The following SOX18 variants were observed in gnomAD, a reference collection of about 807,000 sequenced individuals.
SOX18 encodes the protein SRY-box transcription factor 18, also known as transcription factor SOX-18.
Under a neutral mutation model 9.1 loss-of-function variants are expected in SOX18, and 2 were observed. That is an observed-to-expected ratio of 0.22 (90% CI 0.09 to 0.69). The LOEUF (loss-of-function observed/expected upper bound fraction) is 0.69. Among genes scored for constraint, SOX18 ranks in the 30% least tolerant of loss-of-function variants. SOX18 has a pLI of 0.80. For missense variants in SOX18, 542 were observed against 567.3 expected, an observed-to-expected ratio of 0.96 and a Z score of 0.45; for synonymous variants, 292 against 280.5, an observed-to-expected ratio of 1.04 and a Z score of -0.41.
chr20:64,048,814 C>G lies in SOX18; in HGVS notation c.507G>C (p.Glu169Asp), dbSNP rs936790150. 1.3e-6 allele frequency: 2 copies of G among 1,555,688 alleles called. No homozygotes were observed. Among genetic ancestry groups the G allele is most frequent in the African/African-American group, 2.8e-5 (2 of 71,388 alleles). Reference sequence around the variant, plus strand: ...CTAATCCCGGGAGCAGGAGGCCGGGCTCCAGCCGCCGGGCCTTGCGCGCCT... The same window carrying G: ...CTAATCCCGGGAGCAGGAGGCCGGGGTCCAGCCGCCGGGCCTTGCGCGCCT... ...KKQARKARRLEPGLLLPGLAP... is the reference protein window; with the variant it reads ...KKQARKARRLDPGLLLPGLAP... The change falls in exon 2 of 2, where the codon GAG (glutamate) becomes GAC (aspartate). Residue 169 changes from glutamate to aspartate, a missense_variant. Coordinates refer to ENST00000340356, the MANE Select transcript of SOX18 (RefSeq NM_018419.3).
Position 64,048,106 on chromosome 20 carries a change from CG to C in SOX18, c.*59del. 2.1e-6 allele frequency: 3 copies of C among 1,460,764 alleles called. No individual in the cohort carries two copies. In the Admixed American group the frequency reaches 5.9e-5, roughly 29 times the overall value. 90.5% of individuals were successfully genotyped at this position (1,460,764 alleles called of 1,614,324 possible). On this transcript the variant is annotated 3_prime_UTR_variant, in exon 2 of 2. Transcript: ENST00000340356. Reference sequence around the variant, plus strand: ...GAGAGCAGAGCGGCAGCGACGCGGTCGGATCGGTCGCGGGGGCTGCGGGAGG... The same window carrying C: ...GAGAGCAGAGCGGCAGCGACGCGGTCGATCGGTCGCGGGGGCTGCGGGAGG...
chr20:64,048,913 C>T lies in SOX18; in HGVS notation c.408G>A (p.Glu136=), dbSNP rs772842053. 18 of 1,596,956 alleles carry T rather than the reference C, an allele frequency of 1.1e-5. No homozygotes were observed. Among genetic ancestry groups the T allele is most frequent in the Admixed American group, 3.4e-5 (2 of 59,546 alleles). ...GCTGCACGCGCAGCCGTTCGGCTTC[C>T]TCCACGAAGGGCCGCTTCTCCGCCG... The part of the protein sequence containing the change: ...LNAAEKRPFV[E]EAERLRVQHL... The change falls in exon 2 of 2, where the codon GAG becomes GAA. Residue 136 remains glutamate (E), a synonymous_variant. Transcript: ENST00000340356.
intron 1 of SOX18, 53 bp downstream of exon 1, chr20:64,049,106 G>C (rs1315054117): frequency 0.018 from 6,479 of 353,144 alleles, 38 homozygotes; most frequent in Non-Finnish European, 0.022. Flanking sequence ...CCCCACCCCG[G>C]CCCGAGCCCC....
In SOX18 at chr20:64,048,310, C is replaced by A. The variant is rs765273686; in HGVS notation, c.1011G>T (p.Arg337=). Residue 337 remains arginine, a synonymous_variant, in exon 2 of 2, where the codon CGG becomes CGT. Coordinates refer to ENST00000340356, the MANE Select transcript of SOX18 (RefSeq NM_018419.3). ...FDQYLNCSRT[R]PDAPGLPYHV... is the part of the protein sequence containing the mutation. ...GGTACGGGAGCCCGGGGGCGTCGGG[C>A]CGAGTCCGGCTGCAGTTGAGGTACT... The A allele has an allele frequency of 1.9e-6, 3 of 1,591,810 alleles. No homozygotes were observed. The highest frequency in any genetic ancestry group is 2.3e-5 in the East Asian group (1 of 43,616).
chr20:64,049,404 C>T lies in SOX18; in HGVS notation c.113G>A (p.Gly38Asp). The change falls in exon 1 of 2, where the codon GGC becomes GAC. Residue 38 changes from glycine to aspartate, a missense_variant. By Grantham distance (94) the Gly-to-Asp change is moderately conservative. Transcript: ENST00000340356. ...AAADTRGLAA[G>D]PAALAAPAAP... is the part of the protein sequence containing the mutation. ...GGCGGGCGCGGCGAGGGCGGCGGGGCCGGCGGCGAGGCCGCGCGTGTCAGC... is the reference window on the plus strand; with the variant it reads ...GGCGGGCGCGGCGAGGGCGGCGGGGTCGGCGGCGAGGCCGCGCGTGTCAGC... 3 of 984,732 alleles carry T rather than the reference C, an allele frequency of 3.0e-6. No individual in the cohort carries two copies. The highest frequency in any genetic ancestry group is 3.6e-6 in the Non-Finnish European group (3 of 831,636). The allele number at this position is 984,732 out of a possible 1,614,324, so 61.0% of individuals were successfully genotyped here. A position where few individuals can be genotyped will look rare whatever the true frequency, so the allele number is the denominator to read the frequency against.
intron 1 of SOX18, 73 bp downstream of exon 1, chr20:64,049,084 CTG>C: frequency 1.9e-6 from 2 of 1,037,308 alleles, no homozygotes; most frequent in Non-Finnish European, 2.4e-6. Context: ...CCCGGGACCC[CTG>C]CCCCCCCCGC....
rs1354720506 is a variant in SOX18, at chr20:64,049,416, C to T, written c.101G>A (p.Gly34Asp). 5.1e-5 allele frequency: 50 copies of T among 988,860 alleles called. No homozygotes were observed. The highest frequency in any genetic ancestry group is 5.8e-5 in the Non-Finnish European group (48 of 834,584). 61.3% of individuals were successfully genotyped at this position (988,860 alleles called of 1,614,324 possible). Residue 34 changes from glycine (G) to aspartate (D), a missense_variant, in exon 1 of 2, where the codon GGC (glycine) becomes GAC (aspartate). Physicochemically the swap from Gly to Asp is moderately conservative, Grantham distance 94. Transcript: ENST00000340356. ...PGHGAAADTRGLAAGPAALAA... is the reference protein window; with the variant it reads ...PGHGAAADTRDLAAGPAALAA... ...GAGGGCGGCGGGGCCGGCGGCGAGG[C>T]CGCGCGTGTCAGCGGCGGCCCCGTG... is the stretch of plus-strand genomic sequence containing the variant.
At position 64,049,618 on chromosome 20, in the gene SOX18, G is replaced by T. The variant is rs1254024212; in HGVS notation, c.-102C>A. The T allele has an allele frequency of 9.6e-6, 7 of 731,128 alleles. No homozygotes were observed. Among genetic ancestry groups the T allele is most frequent in the Non-Finnish European group, 1.0e-5 (6 of 595,506 alleles). 45.3% of individuals were successfully genotyped at this position (731,128 alleles called of 1,614,324 possible). On this transcript the variant is annotated 5_prime_UTR_variant, in exon 1 of 2. Transcript: ENST00000340356. Reference sequence around the variant, plus strand: ...CAAGGGCAGGCCAGGCCGGGAGGGCGGATGGCGGTGGGGACGGCGGTGGCC... The same window carrying T: ...CAAGGGCAGGCCAGGCCGGGAGGGCTGATGGCGGTGGGGACGGCGGTGGCC...
Position 64,049,215 on chromosome 20 carries a change from T to C in SOX18, c.302A>G (p.Lys101Arg), listed in dbSNP as rs2059418686. Reference protein sequence around the residue: ...AFMVWAKDERKRLAQQNPDLH... With the variant: ...AFMVWAKDERRRLAQQNPDLH... ...GTCCGGGTTCTGCTGAGCCAGCCGCTTGCGCTCGTCCTTTGCCCACACCAT... is the reference window on the plus strand; with the variant it reads ...GTCCGGGTTCTGCTGAGCCAGCCGCCTGCGCTCGTCCTTTGCCCACACCAT... The change falls in exon 1 of 2, where the codon AAG becomes AGG. Residue 101 changes from lysine to arginine, a missense_variant. Transcript: ENST00000340356. 3.3e-6 allele frequency: 5 copies of C among 1,524,212 alleles called. No individual in the cohort carries two copies. Among genetic ancestry groups the C allele is most frequent in the Non-Finnish European group, 4.4e-6 (5 of 1,129,804 alleles). 94.4% of individuals were successfully genotyped at this position (1,524,212 alleles called of 1,614,324 possible). A position where few individuals can be genotyped will look rare whatever the true frequency, so the allele number is the denominator to read the frequency against.
Position 64,048,613 on chromosome 20 carries a change from C to A in SOX18, c.708G>T (p.Ala236=). The change falls in exon 2 of 2, where the codon GCG becomes GCT. Residue 236 remains alanine (A), a synonymous_variant. Coordinates refer to ENST00000340356, the MANE Select transcript of SOX18 (RefSeq NM_018419.3). ...AGGGCCGCAGCGCGCAGTCCTCGGG[C>A]GCCGCGGGCGGTGGGAAGAAGGCAG... is the stretch of plus-strand genomic sequence containing the variant. ...GEAAFFPPPA[A]PEDCALRPFR... 8.0e-7 allele frequency: 1 copy of A among 1,252,386 alleles called. No homozygotes were observed. Among genetic ancestry groups the A allele is most frequent in the Non-Finnish European group, 1.0e-6 (1 of 1,001,620 alleles). 77.6% of individuals were successfully genotyped at this position (1,252,386 alleles called of 1,614,324 possible). A position where few individuals can be genotyped will look rare whatever the true frequency, so the allele number is the denominator to read the frequency against.
Position 64,049,415 on chromosome 20 carries a change from G to T in SOX18, c.102C>A (p.Gly34=). ...CGAGGGCGGCGGGGCCGGCGGCGAG[G>T]CCGCGCGTGTCAGCGGCGGCCCCGT... ...PGHGAAADTR[G]LAAGPAALAA... is the part of the protein sequence containing the mutation. Residue 34 remains glycine, a synonymous_variant, in exon 1 of 2, where the codon GGC becomes GGA. Transcript: ENST00000340356. 8.1e-6 allele frequency: 8 copies of T among 988,582 alleles called. No homozygotes were observed. Among genetic ancestry groups the T allele is most frequent in the Non-Finnish European group, 9.6e-6 (8 of 834,170 alleles). 61.2% of individuals were successfully genotyped at this position (988,582 alleles called of 1,614,324 possible). A position where few individuals can be genotyped will look rare whatever the true frequency, so the allele number is the denominator to read the frequency against.
chr20:64,048,703 C>G lies in SOX18; in HGVS notation c.618G>C (p.Glu206Asp), dbSNP rs2059410614. ...GCGTGGGCAGCCCCAGGCCGTCGAA[C>G]TCGGCGCCCAGCGGGGGCAGCTCGC... is the stretch of plus-strand genomic sequence containing the variant. ...AFRELPPLGAEFDGLGLPTPE... is the reference protein window; with the variant it reads ...AFRELPPLGADFDGLGLPTPE... Residue 206 changes from glutamate (E) to aspartate (D), a missense_variant, in exon 2 of 2, where the codon GAG (glutamate) becomes GAC (aspartate). Transcript: ENST00000340356. 7 of 1,360,862 alleles carry G rather than the reference C, an allele frequency of 5.1e-6. No homozygotes were observed. The highest frequency in any genetic ancestry group is 6.6e-6 in the Non-Finnish European group (7 of 1,065,766). The allele number at this position is 1,360,862 out of a possible 1,614,324, so 84.3% of individuals were successfully genotyped here.
chr20:64,048,967 G>A lies in SOX18; in HGVS notation c.359-5C>T. ...TCAGCTCCTTCCACGCTTTGCCTGC[G>A]GGCCGTGGGCGCCAGTGAGTGGAAC... On this transcript the variant is annotated splice_region_variant and splice_polypyrimidine_tract_variant and intron_variant, in intron 1 of 1. Coordinates refer to ENST00000340356, the MANE Select transcript of SOX18 (RefSeq NM_018419.3). 1 of 1,581,756 alleles carries A rather than the reference G, an allele frequency of 6.3e-7. No homozygotes were observed. Among genetic ancestry groups the A allele is most frequent in the South Asian group, 1.1e-5 (1 of 88,726 alleles).
chr20:64,048,697 G>T lies in SOX18; in HGVS notation c.624C>A (p.Asp208Glu). The T allele has an allele frequency of 7.4e-7, 1 of 1,359,102 alleles. No individual in the cohort carries two copies. Among genetic ancestry groups the T allele is most frequent in the Non-Finnish European group, 9.4e-7 (1 of 1,064,690 alleles). The allele number at this position is 1,359,102 out of a possible 1,614,324, so 84.2% of individuals were successfully genotyped here. Reference protein sequence around the residue: ...RELPPLGAEFDGLGLPTPERS... With the variant: ...RELPPLGAEFEGLGLPTPERS... The stretch of plus-strand genomic sequence containing the variant: ...GCTCGGGCGTGGGCAGCCCCAGGCC[G>T]TCGAACTCGGCGCCCAGCGGGGGCA... The change falls in exon 2 of 2, where the codon GAC becomes GAA. Residue 208 changes from aspartate (D) to glutamate (E), a missense_variant. Coordinates refer to ENST00000340356, the MANE Select transcript of SOX18 (RefSeq NM_018419.3).
rs2059421427 is a variant in SOX18, at chr20:64,049,412, G to C, written c.105C>G (p.Leu35=). 1 of 987,426 alleles carries C rather than the reference G, an allele frequency of 1.0e-6. No homozygotes were observed. Among genetic ancestry groups the C allele is most frequent in the Non-Finnish European group, 1.2e-6 (1 of 833,370 alleles). The allele number at this position is 987,426 out of a possible 1,614,324, so 61.2% of individuals were successfully genotyped here. Residue 35 remains leucine, a synonymous_variant, in exon 1 of 2, where the codon CTC becomes CTG. Transcript: ENST00000340356. ...CGGCGAGGGCGGCGGGGCCGGCGGC[G>C]AGGCCGCGCGTGTCAGCGGCGGCCC... ...GHGAAADTRG[L]AAGPAALAAP...
In SOX18 at chr20:64,049,283, C is replaced by T. The variant is rs571003372; in HGVS notation, c.234G>A (p.Gln78=). 1.3e-6 allele frequency: 2 copies of T among 1,503,850 alleles called. No individual in the cohort carries two copies. The highest frequency in any genetic ancestry group is 1.5e-5 in the African/African-American group (1 of 68,512). The allele number at this position is 1,503,850 out of a possible 1,614,324, so 93.2% of individuals were successfully genotyped here. ...GCCGGATGCGCGACTCGTCTGCCGC[C>T]TGGCGTTCCCCGCGGCCGGCCGGGC... ...GLSPAGRGER[Q]AADESRIRRP... The change falls in exon 1 of 2, where the codon CAG becomes CAA. Residue 78 remains glutamine (Q), a synonymous_variant. Transcript: ENST00000340356.
In SOX18 at chr20:64,047,946, C is replaced by A. The variant is rs1048113830; in HGVS notation, c.*220G>T. On this transcript the variant is annotated 3_prime_UTR_variant, in exon 2 of 2. Transcript: ENST00000340356. ...CCGGGACACGTGGGAACTCCAGGCACCCTCGCAGGGGCCCCCCGAGGGCAG... is the reference window on the plus strand; with the variant it reads ...CCGGGACACGTGGGAACTCCAGGCAACCTCGCAGGGGCCCCCCGAGGGCAG... The A allele has an allele frequency of 3.4e-6, 2 of 596,998 alleles. No homozygotes were observed. Among genetic ancestry groups the A allele is most frequent in the Non-Finnish European group, 5.9e-6 (2 of 337,656 alleles). 37.0% of individuals were successfully genotyped at this position (596,998 alleles called of 1,614,324 possible).
In SOX18 at chr20:64,048,882, G is replaced by GACCACCCCAACTA; in HGVS notation, c.438_439insTAGTTGGGGTGGT (p.Arg147Ter). ...CGGTACTTGTAGTTGGGGTGGTCGC[G>GACCACCCCAACTA]CAAGTGCTGCACGCGCAGCCGTTCG... On this transcript the variant is annotated stop_gained and frameshift_variant, in exon 2 of 2. Coordinates refer to ENST00000340356, the MANE Select transcript of SOX18 (RefSeq NM_018419.3). LOFTEE classifies it low-confidence loss of function (END_TRUNC). 6.3e-7 allele frequency: 1 copy of GACCACCCCAACTA among 1,594,898 alleles called. No homozygotes were observed. Among genetic ancestry groups the GACCACCCCAACTA allele is most frequent in the Non-Finnish European group, 8.5e-7 (1 of 1,175,498 alleles).
chr20:64,048,794 C>CA lies in SOX18; in HGVS notation c.526_527insT (p.Gly176ValfsTer350), dbSNP rs1569234591. The CA allele has an allele frequency of 6.5e-7, 1 of 1,527,646 alleles. No individual in the cohort carries two copies. The highest frequency in any genetic ancestry group is 8.7e-7 in the Non-Finnish European group (1 of 1,145,118). 94.6% of individuals were successfully genotyped at this position (1,527,646 alleles called of 1,614,324 possible). A position where few individuals can be genotyped will look rare whatever the true frequency, so the allele number is the denominator to read the frequency against. ...GGGCGGTGGCTGCGGGGGCGCTAATCCCGGGAGCAGGAGGCCGGGCTCCAG... is the reference window on the plus strand; with the variant it reads ...GGGCGGTGGCTGCGGGGGCGCTAATCACCGGGAGCAGGAGGCCGGGCTCCAG... On this transcript the variant is annotated frameshift_variant, in exon 2 of 2. Transcript: ENST00000340356. LOFTEE classifies it low-confidence loss of function (END_TRUNC).
Sources: gnomAD v4.1 joint callset for allele counts on GRCh38, gnomAD v4.1.1 for gene constraint, MANE v1.5 for transcripts, NCBI Gene and HGNC (gene_info 2026-07-23, HGNC 2026-07-21) for gene names.